INTS1: variants seen among roughly 807,000 people sequenced by gnomAD.
INTS1 encodes integrator complex subunit 1.
A neutral mutation model predicts 241.6 loss-of-function variants in INTS1; 137 were observed. The ratio of observed to expected loss-of-function variants is 0.57; its 90% CI spans 0.49 to 0.65. The LOEUF is 0.65. Among genes scored for constraint, INTS1 ranks in the 30% least tolerant of loss-of-function variants. The pLI, the probability that INTS1 is intolerant of heterozygous loss-of-function variation, is 0.00. For missense variants in INTS1, 3,073 were observed against 3,032.2 expected (o/e 1.01, Z -0.32); for synonymous variants, 1,692 against 1,337.8 (o/e 1.26, Z -5.78).
At chr7:1,483,549 G>C in intron 26 of INTS1, 193 bp downstream of exon 26, 1 of 629,968 alleles carries the variant, frequency 1.6e-6, no homozygotes, top group South Asian at 1.7e-5. Flanking sequence ...TCTCCCACAC[G>C]TCCACCAAGT....
chr7:1,479,099 G>A (rs1431028503), intron 31 of INTS1, among the ~76,000 whole-genome samples: 2 of 152,226 alleles, frequency 1.3e-5, no homozygotes, highest in Non-Finnish European at 2.9e-5. Context: ...CCCCCAGCTG[G>A]TGAGGGCTCC....
At position 1,483,602 on chromosome 7, in the gene INTS1, G is replaced by T. The variant is rs763837655; in HGVS notation, c.3541+140C>A. 4 of 713,928 alleles carry T rather than the reference G, an allele frequency of 5.6e-6. No homozygotes were observed. The Admixed American group carries it at 6.1e-5, about 11-fold the overall frequency. 44.2% of individuals were successfully genotyped at this position (713,928 alleles called of 1,614,324 possible). A position where few individuals can be genotyped will look rare whatever the true frequency, so the allele number is the denominator to read the frequency against. ...ACGGACTGCAGCCTCCTCTTTAGGA[G>T]AGAAGCCAGGACACAGGGTTGAAGG... On this transcript the variant is annotated intron_variant, in intron 26 of 47. Transcript: ENST00000404767.
chr7:1,485,071 C>T lies in INTS1; in HGVS notation c.3261+27G>A, dbSNP rs1467984465. On this transcript the variant is annotated intron_variant, in intron 24 of 47. Transcript: ENST00000404767. The stretch of plus-strand genomic sequence containing the variant: ...TGGCCCCGTCCCCTCCCCAGGGCCA[C>T]ACTGCTGGCTGACCCTGCTGCCTCA... 4 of 1,522,882 alleles carry T rather than the reference C, an allele frequency of 2.6e-6. No homozygotes were observed. In the East Asian group the frequency reaches 9.0e-5, roughly 34 times the overall value. The allele number at this position is 1,522,882 out of a possible 1,614,324, so 94.3% of individuals were successfully genotyped here. A position where few individuals can be genotyped will look rare whatever the true frequency, so the allele number is the denominator to read the frequency against.
chr7:1,480,449 G>A lies in INTS1; in HGVS notation c.3950-8C>T, dbSNP rs934968493. ...TGGGTGCCTCTGTGCTGTCTGCAGA[G>A]ACAGGAGAACTGTCAGTGGCTGGAC... On this transcript the variant is annotated splice_polypyrimidine_tract_variant and splice_region_variant and intron_variant, in intron 29 of 47. Transcript: ENST00000404767. The A allele has an allele frequency of 1.9e-6, 3 of 1,611,536 alleles. No individual in the cohort carries two copies. The African/African-American group carries it at 4.0e-5, about 22-fold the overall frequency.
rs966529653 is a variant in INTS1 at position 1,494,732 on chromosome 7, T to C, written c.1910+84A>G. 7 of 1,354,404 alleles carry C rather than the reference T, an allele frequency of 5.2e-6. No homozygotes were observed. In the African/African-American group the frequency reaches 8.7e-5, roughly 17 times the overall value. The allele number at this position is 1,354,404 out of a possible 1,614,324, so 83.9% of individuals were successfully genotyped here. ...ATGGGAACAGCCGCCCAACTCCCAC[T>C]GGCCCTTCCTGCCGCAGCCGGCCCG... On this transcript the variant is annotated intron_variant, in intron 14 of 47. Coordinates refer to ENST00000404767, the MANE Select transcript of INTS1 (RefSeq NM_001080453.3).
In INTS1 at chr7:1,499,263, G is replaced by A. The variant is rs1048035003; in HGVS notation, c.942C>T (p.Leu314=). 6.2e-7 allele frequency: 1 copy of A among 1,609,908 alleles called. No homozygotes were observed. Among genetic ancestry groups the A allele is most frequent in the Non-Finnish European group, 8.5e-7 (1 of 1,179,034 alleles). The change falls in exon 7 of 48, where the codon CTC becomes CTT. Residue 314 remains leucine (L), a synonymous_variant. Transcript: ENST00000404767. ...EKLSPEQEGQ[L]MPRYEELAES... The stretch of plus-strand genomic sequence containing the variant: ...GGCAGGCACGCAGCTACCTGGGCAT[G>A]AGCTGGCCCTCCTGCTCGGGGCTCA...
intron 8 of INTS1, 45 bp downstream of exon 8, chr7:1,498,930 G>GGCCCCCCCCCCCCCCCCCC: frequency 6.8e-7 from 1 of 1,460,180 alleles, no homozygotes. Context: ...CACAGAGCCT[G>GGCCCCCCCCCCCCCCCCCC]CCCCCACCCC....
chr7:1,487,375 T>C lies in INTS1; in HGVS notation c.2591A>G (p.His864Arg). Residue 864 changes from histidine to arginine, a missense_variant, in exon 20 of 48, where the codon CAC becomes CGC. Coordinates refer to ENST00000404767, the MANE Select transcript of INTS1 (RefSeq NM_001080453.3). Reference protein sequence around the residue: ...KSLNQSLRLGHLLCRSRNPDF... With the variant: ...KSLNQSLRLGRLLCRSRNPDF... ...AGGGTTTCGGCTGCGGCACAAGAGGTGCCCGAGGCGGAGGGACTGGTTGAG... is the reference window on the plus strand; with the variant it reads ...AGGGTTTCGGCTGCGGCACAAGAGGCGCCCGAGGCGGAGGGACTGGTTGAG... 1 of 1,610,530 alleles carries C rather than the reference T, an allele frequency of 6.2e-7. No individual in the cohort carries two copies. The highest frequency in any genetic ancestry group is 1.1e-5 in the South Asian group (1 of 90,420).
chr7:1,491,920 T>C (rs1359513188), intron 16 of INTS1, among the ~76,000 whole-genome samples: 3 of 151,992 alleles, frequency 2.0e-5, no homozygotes, highest in Non-Finnish European at 4.4e-5. Context: ...AAACGGAAAA[T>C]GCAAACCGAA....
At position 1,503,817 on chromosome 7, in the gene INTS1, C is replaced by T. The variant is rs1328541105; in HGVS notation, c.58+86G>A. 1.2e-5 allele frequency: 12 copies of T among 1,002,374 alleles called. No individual in the cohort carries two copies. In the African/African-American group the frequency reaches 2.0e-4, roughly 17 times the overall value. 62.1% of individuals were successfully genotyped at this position (1,002,374 alleles called of 1,614,324 possible). ...GCGGCTGCGGAACAACCAAGCCCAA[C>T]GCAGGATCCGCGGCAGCTGAGATCC... On this transcript the variant is annotated intron_variant, in intron 2 of 47. Transcript: ENST00000404767.
At chr7:1,500,690 G>A (rs1044667322) in intron 3 of INTS1, among the ~76,000 whole-genome samples, 6 of 152,152 alleles carry the variant, frequency 3.9e-5, no homozygotes, top group Admixed American at 1.3e-4. Flanking sequence ...CCACTGAATC[G>A]TGGCTCCGTC....
At chr7:1,487,133 C>G (rs1370068717) in intron 20 of INTS1, 32 bp from the exon 21 acceptor site, 8 of 1,534,522 alleles carry the variant, frequency 5.2e-6, no homozygotes, top group Non-Finnish European at 7.0e-6. Flanking sequence ...CCGCTCAGCA[C>G]CTTCCAGGCC....
Position 1,497,069 on chromosome 7 carries a change from G to C in INTS1, c.1602+69C>G, listed in dbSNP as rs1432787357. The C allele has an allele frequency of 6.8e-7, 1 of 1,460,702 alleles. No homozygotes were observed. Among genetic ancestry groups the C allele is most frequent in the Non-Finnish European group, 9.1e-7 (1 of 1,094,318 alleles). The allele number at this position is 1,460,702 out of a possible 1,614,324, so 90.5% of individuals were successfully genotyped here. On this transcript the variant is annotated intron_variant, in intron 11 of 47. Transcript: ENST00000404767. This position sits in a 1 kb window ranked among gnomAD's most constrained non-coding sequence, Gnocchi z 5.3. ...AGGGGTGGAGTGTGCATGGGACCCAGGACGAGGGGGATGGCGGCGCGTGGA... is the reference window on the plus strand; with the variant it reads ...AGGGGTGGAGTGTGCATGGGACCCACGACGAGGGGGATGGCGGCGCGTGGA...
chr7:1,494,769 C>T, intron 14 of INTS1, 47 bp downstream of exon 14: 2 of 1,538,066 alleles, frequency 1.3e-6, no homozygotes, highest in South Asian at 1.2e-5. Flanking sequence ...CACCCCGCAG[C>T]CCCGCCCAGC....
rs750838959 is a variant in INTS1, at chr7:1,481,378, C to G, written c.3814G>C (p.Asp1272His). 1.2e-6 allele frequency: 2 copies of G among 1,612,662 alleles called. No individual in the cohort carries two copies. The highest frequency in any genetic ancestry group is 1.1e-5 in the South Asian group (1 of 91,066). ...ATGTTCTGCTCCAGAGTCTGGGGGT[C>G]GTGGGCCACTGCCTGGTCCAGGAAC... ...LQFLDQAVAH[D>H]PQTLEQNIMD... Residue 1272 changes from aspartate to histidine, a missense_variant, in exon 28 of 48, where the codon GAC becomes CAC. Transcript: ENST00000404767. The surrounding 1 kb of genome is among the most constrained non-coding windows in gnomAD (Gnocchi z 6.8).
In INTS1 at chr7:1,492,559, A is replaced by AC. The variant is rs142834278; in HGVS notation, c.2165+450dup. ...GAACATTCTGAAAACATGGAATTGC[A>AC]CACTTTAGATAACACGTACATGAAT... On this transcript the variant is annotated intron_variant, in intron 16 of 47. Coordinates refer to ENST00000404767, the MANE Select transcript of INTS1 (RefSeq NM_001080453.3). Among the ~76,000 whole-genome samples the AC allele has an allele frequency of 3.6e-3, 541 of 152,372 alleles. 2 individuals are homozygous for AC. Among genetic ancestry groups the AC allele is most frequent in the African/African-American group, 0.012 (519 of 41,586 alleles).
intron 12 of INTS1, 63 bp downstream of exon 12, chr7:1,496,093 C>T: frequency 2.2e-6 from 3 of 1,354,038 alleles, no homozygotes; most frequent in Non-Finnish European, 3.2e-6. Flanking sequence ...CGGAGAGCCG[C>T]CAGCCACCAG....
In INTS1 at chr7:1,490,166, G is replaced by A. The variant is rs35250452; in HGVS notation, c.2166-484C>T. Among the ~76,000 whole-genome samples, 1,177 of 152,346 alleles carry A rather than the reference G, an allele frequency of 7.7e-3. 8 individuals carry two copies. The highest frequency in any genetic ancestry group is 0.011 in the Non-Finnish European group (768 of 68,036). The stretch of plus-strand genomic sequence containing the variant: ...GAAAGACCACACCAGAAAGCAGAGC[G>A]GGCAGCACCTGCCGAAGGAGAGAGG... On this transcript the variant is annotated intron_variant, in intron 16 of 47. Transcript: ENST00000404767.
intron 30 of INTS1, 146 bp downstream of exon 30, chr7:1,480,171 C>G: frequency 1.1e-6 from 1 of 923,464 alleles, no homozygotes. Flanking sequence ...CAGGCGGTCA[C>G]GCGTGTAAAG....
Sources: gnomAD v4.1 joint callset for allele counts (sites outside exome capture counted in the v4.1 genomes callset) on GRCh38, gnomAD v4.1.1 for gene constraint, Gnocchi (gnomAD v3.1) non-coding constraint, MANE v1.5 for transcripts, NCBI Gene and HGNC (gene_info 2026-07-23, HGNC 2026-07-21) for gene names.